ABL2: variants seen among roughly 807,000 people sequenced by gnomAD.
ABL2 encodes tyrosine-protein kinase ABL2.
A neutral mutation model predicts 107.7 loss-of-function variants in ABL2; 49 were observed. The observed-to-expected ratio is 0.45, with a 90% confidence interval of 0.36 to 0.58. The LOEUF is 0.58. Among genes scored for constraint, ABL2 ranks in the 20% least tolerant of loss-of-function variants. The pLI is 0.00. For missense variants in ABL2, 1,245 were observed against 1,457.0 expected (o/e 0.85, Z 2.37); for synonymous variants, 549 against 548.6 (o/e 1.00, Z -0.01).
chr1:179,177,548 G>A (rs908522606), intron 1 of ABL2, among the ~76,000 whole-genome samples: 1 of 152,006 alleles, frequency 6.6e-6, no homozygotes, highest in Admixed American at 6.6e-5. Context: ...TAAGGAACCT[G>A]GGATTTAACC....
intron 1 of ABL2, among the ~76,000 whole-genome samples, chr1:179,189,959 T>C (rs181128077): frequency 3.4e-4 from 51 of 152,220 alleles, no homozygotes; most frequent in African/African-American, 1.1e-3. Context: ...TAGCTGGAAT[T>C]ACAGGCATGC....
intron 1 of ABL2, chr1:179,143,183 G>A: frequency 8.3e-7 from 1 of 1,203,218 alleles, no homozygotes; most frequent in South Asian, 2.4e-5. Context: ...ATAAAATGGT[G>A]AGCATTCACA....
At chr1:179,112,256 C>T in intron 10 of ABL2, 53 bp downstream of exon 10, 1 of 1,480,650 alleles carries the variant, frequency 6.8e-7, no homozygotes, top group Non-Finnish European at 9.4e-7. Context: ...ATTATCACCA[C>T]CACCACCACT....
intron 4 of ABL2, among the ~76,000 whole-genome samples, chr1:179,122,075 C>G (rs796751379): frequency 5.3e-5 from 8 of 151,242 alleles, no homozygotes; most frequent in Admixed American, 4.6e-4. Context: ...TATAGGCGCC[C>G]GCCACCATGC....
chr1:179,159,333 A>C lies in ABL2; in HGVS notation c.158-25959T>G, dbSNP rs970340283. Among the ~76,000 whole-genome samples, 6 of 152,226 alleles carry C rather than the reference A, an allele frequency of 3.9e-5. No individual in the cohort carries two copies. The East Asian group carries it at 1.2e-3, about 29-fold the overall frequency. On this transcript the variant is annotated intron_variant, in intron 1 of 11. Transcript: ENST00000502732. Reference sequence around the variant, plus strand: ...TCCACAAGCAAGGTAACACATAGTAAAATAGTCACAGAACACATGAAGATT... The same window carrying C: ...TCCACAAGCAAGGTAACACATAGTACAATAGTCACAGAACACATGAAGATT...
chr1:179,117,233 G>T (rs779761292), intron 8 of ABL2, 99 bp downstream of exon 8: 1 of 1,198,376 alleles, frequency 8.3e-7, no homozygotes, highest in East Asian at 2.4e-5. Context: ...GCAGGTAAAG[G>T]TAGAGGATAC....
In ABL2 at chr1:179,118,595, G is replaced by A. The variant is rs1310147751; in HGVS notation, c.1215C>T (p.Phe405=). 5.0e-6 allele frequency: 8 copies of A among 1,613,516 alleles called. No homozygotes were observed. The highest frequency in any genetic ancestry group is 6.8e-6 in the Non-Finnish European group (8 of 1,179,686). The part of the protein sequence containing the change: ...SAMEYLEKKN[F]IHRDLAARNC... The stretch of plus-strand genomic sequence containing the variant: ...AGGTAAGTTTTACACACCTATGGAT[G>A]AAATTCTTCTTCTCTAAGTACTCCA... Residue 405 remains phenylalanine (F), a synonymous_variant, in exon 7 of 12, where the codon TTC becomes TTT. Coordinates refer to ENST00000502732, the MANE Select transcript of ABL2 (RefSeq NM_007314.4).
intron 4 of ABL2, among the ~76,000 whole-genome samples, chr1:179,123,839 C>T (rs1294972256): frequency 6.6e-6 from 1 of 152,102 alleles, no homozygotes; most frequent in East Asian, 1.9e-4. Context: ...CTATATTCCT[C>T]AAGCTGGTCT....
chr1:179,178,956 T>C (rs1320321009), intron 1 of ABL2, among the ~76,000 whole-genome samples: 1 of 152,132 alleles, frequency 6.6e-6, no homozygotes, highest in Non-Finnish European at 1.5e-5. Context: ...ACAAATAATG[T>C]TAATACCCAC....
chr1:179,176,045 G>T (rs1398942553), intron 1 of ABL2, among the ~76,000 whole-genome samples: 1 of 151,806 alleles, frequency 6.6e-6, no homozygotes, highest in Non-Finnish European at 1.5e-5. Flanking sequence ...TAGTAGACAC[G>T]GGTTTTCACC....
chr1:179,121,514 AAAG>A (rs1655193986), intron 5 of ABL2, 78 bp downstream of exon 5: 7 of 1,532,616 alleles, frequency 4.6e-6, no homozygotes, highest in African/African-American at 1.4e-5. Context: ...TTCCAAAGTT[AAAG>A]AAGGGCATGC....
chr1:179,226,454 G>A (rs1004498825), intron 1 of ABL2, among the ~76,000 whole-genome samples: 14 of 151,548 alleles, frequency 9.2e-5, no homozygotes, highest in Admixed American at 4.0e-4. Flanking sequence ...GACTACAGGC[G>A]CGTGCCACCA....
intron 1 of ABL2, among the ~76,000 whole-genome samples, chr1:179,170,922 G>A (rs537840781): frequency 6.6e-6 from 1 of 152,206 alleles, no homozygotes; most frequent in Non-Finnish European, 1.5e-5. Context: ...AGTAGAGACA[G>A]GGTTTCACCA....
chr1:179,187,926 C>T (rs1660766946), intron 1 of ABL2, among the ~76,000 whole-genome samples: 2 of 152,154 alleles, frequency 1.3e-5, no homozygotes, highest in Non-Finnish European at 2.9e-5. Flanking sequence ...GAATAAAATC[C>T]TACTTCCTTA....
chr1:179,126,378 T>A lies in ABL2; in HGVS notation c.686A>T (p.Lys229Met). 6.2e-7 allele frequency: 1 copy of A among 1,610,706 alleles called. No homozygotes were observed. Among genetic ancestry groups the A allele is most frequent in the Non-Finnish European group, 8.5e-7 (1 of 1,177,070 alleles). ...HYRINTTADG[K>M]VYVTAESRFS... Reference sequence around the variant, plus strand: ...AAGGTGGTGACCAGGGAGTCTTACCTTGCCATCTGCAGTGGTATTGATCCT... The same window carrying A: ...AAGGTGGTGACCAGGGAGTCTTACCATGCCATCTGCAGTGGTATTGATCCT... The change falls in exon 4 of 12, where the codon AAG (lysine) becomes ATG (methionine). Residue 229 changes from lysine (K) to methionine (M), a missense_variant and splice_region_variant. Physicochemically the swap from Lys to Met is moderately conservative, Grantham distance 95. Coordinates refer to ENST00000502732, the MANE Select transcript of ABL2 (RefSeq NM_007314.4). The surrounding 1 kb of genome is among the most constrained non-coding windows in gnomAD (Gnocchi z 4.4).
chr1:179,152,072 G>T (rs1395019458), intron 1 of ABL2, among the ~76,000 whole-genome samples: 4 of 152,122 alleles, frequency 2.6e-5, no homozygotes. Flanking sequence ...GGCGGGGAAA[G>T]GTAGTCCAAA....
intron 1 of ABL2, among the ~76,000 whole-genome samples, chr1:179,174,920 A>AAAAAAAAAAAAAAATAAT (rs1659958398): frequency 8.1e-6 from 1 of 122,874 alleles, no homozygotes; most frequent in Non-Finnish European, 1.7e-5. Context: ...AAAATAAAAA[A>AAAAAAAAAAAAAAATAAT]AATAATAATA....
chr1:179,134,653 C>T (rs894954790), intron 1 of ABL2, among the ~76,000 whole-genome samples: 3 of 152,154 alleles, frequency 2.0e-5, no homozygotes, highest in Non-Finnish European at 4.4e-5. Context: ...AAATAATGCC[C>T]TATGATGTCT....
chr1:179,214,892 G>T (rs1662475999), intron 1 of ABL2, among the ~76,000 whole-genome samples: 1 of 152,124 alleles, frequency 6.6e-6, no homozygotes, highest in Admixed American at 6.6e-5. Flanking sequence ...GGGCACAGTA[G>T]CCCATGCCTG....
Sources: gnomAD v4.1 joint callset for allele counts (sites outside exome capture counted in the v4.1 genomes callset) on GRCh38, gnomAD v4.1.1 for gene constraint, Gnocchi (gnomAD v3.1) non-coding constraint, MANE v1.5 for transcripts, NCBI Gene and HGNC (gene_info 2026-07-23, HGNC 2026-07-21) for gene names.